Variants in CSNK1G3 observed in about 807,000 individuals in gnomAD.
CSNK1G3 encodes casein kinase 1 gamma 3, also known as casein kinase I isoform gamma-3.
CSNK1G3 carries 23 observed loss-of-function variants against 64.3 expected under a neutral mutation model. The ratio of observed to expected loss-of-function variants is 0.36; its 90% CI spans 0.26 to 0.51. The LOEUF (loss-of-function observed/expected upper bound fraction) is 0.51, where lower values mean the gene tolerates loss of function less well. Ranked by LOEUF, CSNK1G3 falls within the 20% of genes least tolerant of loss-of-function variation. CSNK1G3 has a pLI of 0.96. For synonymous variants in CSNK1G3, 158 were observed against 162.2 expected (o/e 0.97, Z 0.20); for missense variants, 357 against 510.5 (o/e 0.70, Z 2.90).
intron 2 of CSNK1G3, among the ~76,000 whole-genome samples, chr5:123,546,445 C>T (rs1024128749): frequency 2.6e-5 from 4 of 151,986 alleles, no homozygotes; most frequent in African/African-American, 9.7e-5. Context: ...ATATTCAAGG[C>T]AATTGGAACT....
chr5:123,558,513 T>C (rs1301667274), intron 4 of CSNK1G3, among the ~76,000 whole-genome samples: 1 of 152,226 alleles, frequency 6.6e-6, no homozygotes, highest in Non-Finnish European at 1.5e-5. Flanking sequence ...TCTTCATGTA[T>C]CTTTTTGTAA....
chr5:123,550,318 GT>G (rs1231510356), intron 2 of CSNK1G3, among the ~76,000 whole-genome samples: 1 of 152,122 alleles, frequency 6.6e-6, no homozygotes, highest in Non-Finnish European at 1.5e-5. Context: ...TGCTTTAGCT[GT>G]TTCCATCTCC....
intron 1 of CSNK1G3, among the ~76,000 whole-genome samples, chr5:123,536,141 A>C (rs1005993044): frequency 6.6e-6 from 1 of 152,160 alleles, no homozygotes; most frequent in Non-Finnish European, 1.5e-5. Flanking sequence ...ATTTCTGTAC[A>C]TAAGTATTTA....
chr5:123,514,312 A>G (rs934638855), intron 1 of CSNK1G3, among the ~76,000 whole-genome samples: 2 of 152,188 alleles, frequency 1.3e-5, no homozygotes, highest in Non-Finnish European at 2.9e-5. Flanking sequence ...TTATGTAATT[A>G]TTGACATTTT....
chr5:123,566,413 A>G (rs1786883804), intron 4 of CSNK1G3, among the ~76,000 whole-genome samples: 1 of 152,224 alleles, frequency 6.6e-6, no homozygotes, highest in African/African-American at 2.4e-5. Flanking sequence ...AGTATCAAAT[A>G]AAAATAATTT....
intron 2 of CSNK1G3, among the ~76,000 whole-genome samples, chr5:123,547,920 A>G (rs1239710262): frequency 6.6e-6 from 1 of 152,170 alleles, no homozygotes; most frequent in Non-Finnish European, 1.5e-5. Context: ...ACCTGGATAA[A>G]CACTAATGTT....
At chr5:123,529,920 T>C (rs12189119) in intron 1 of CSNK1G3, among the ~76,000 whole-genome samples, 25,743 of 151,938 alleles carry the variant, frequency 0.17, 2,261 homozygotes, top group Middle Eastern at 0.28. Flanking sequence ...GCAGATTGCA[T>C]GAGCTCAGAA....
intron 3 of CSNK1G3, among the ~76,000 whole-genome samples, chr5:123,557,010 CTG>C (rs1002663792): frequency 3.8e-4 from 58 of 152,058 alleles, no homozygotes; most frequent in African/African-American, 1.3e-3. Context: ...CGCTTATGAA[CTG>C]TGTGTTTTAT....
chr5:123,594,279 T>C (rs974335253), intron 10 of CSNK1G3, among the ~76,000 whole-genome samples: 7 of 152,198 alleles, frequency 4.6e-5, no homozygotes, highest in African/African-American at 9.6e-5. Flanking sequence ...TTAATTTTAC[T>C]GGTAGATTAT....
intron 1 of CSNK1G3, among the ~76,000 whole-genome samples, chr5:123,534,069 C>CATCTACA (rs1350779678): frequency 2.2e-4 from 34 of 152,014 alleles, no homozygotes; most frequent in African/African-American, 8.0e-4. Context: ...CTCATTTATT[C>CATCTACA]ATCTACAGTA....
At chr5:123,515,875 T>C (rs1355033084) in intron 1 of CSNK1G3, among the ~76,000 whole-genome samples, 2 of 152,178 alleles carry the variant, frequency 1.3e-5, no homozygotes, top group East Asian at 3.8e-4. Context: ...TAAATGATAC[T>C]ATTACGACAA....
chr5:123,541,851 A>G (rs1781726159), intron 1 of CSNK1G3, among the ~76,000 whole-genome samples: 1 of 151,018 alleles, frequency 6.6e-6, no homozygotes, highest in East Asian at 1.9e-4. Flanking sequence ...TATGTTTTAA[A>G]GTCCACTGTC....
intron 4 of CSNK1G3, among the ~76,000 whole-genome samples, chr5:123,558,641 T>G (rs1438102693): frequency 2.6e-5 from 4 of 152,178 alleles, no homozygotes; most frequent in African/African-American, 9.6e-5. Flanking sequence ...CAATAAGTTT[T>G]AAATGTTGTA....
At chr5:123,607,104 G>C (rs1212851206) in intron 12 of CSNK1G3, among the ~76,000 whole-genome samples, 1 of 152,064 alleles carries the variant, frequency 6.6e-6, no homozygotes, top group African/African-American at 2.4e-5. Context: ...TGTGAAAGAA[G>C]AAAGTGGTGG....
At chr5:123,529,241 A>G (rs1023860715) in intron 1 of CSNK1G3, among the ~76,000 whole-genome samples, 1 of 152,220 alleles carries the variant, frequency 6.6e-6, no homozygotes, top group Non-Finnish European at 1.5e-5. Context: ...TACAAAAAAC[A>G]AAGTTACGTA....
chr5:123,612,086 T>C (rs1796435278), intron 12 of CSNK1G3, among the ~76,000 whole-genome samples: 1 of 152,224 alleles, frequency 6.6e-6, no homozygotes, highest in African/African-American at 2.4e-5. Context: ...GGGTAATCCA[T>C]TTCAGTTCTT....
chr5:123,520,133 A>T (rs1445631890), intron 1 of CSNK1G3, among the ~76,000 whole-genome samples: 1 of 152,206 alleles, frequency 6.6e-6, no homozygotes, highest in African/African-American at 2.4e-5. Flanking sequence ...TCTTAAACCT[A>T]GCCTGCTTAA....
chr5:123,601,503 C>T (rs1471239155), intron 10 of CSNK1G3, among the ~76,000 whole-genome samples: 3 of 152,156 alleles, frequency 2.0e-5, no homozygotes, highest in African/African-American at 7.2e-5. Context: ...TTGCTTCCTT[C>T]TGGTCTGGTT....
chr5:123,575,624 G>A, intron 5 of CSNK1G3, 105 bp from the exon 6 acceptor site: 1 of 678,836 alleles, frequency 1.5e-6, no homozygotes, highest in Non-Finnish European at 2.5e-6. Context: ...AACAATTTCT[G>A]ATTTATTTCT....
Sources: gnomAD v4.1 joint callset for allele counts (sites outside exome capture counted in the v4.1 genomes callset) on GRCh38, gnomAD v4.1.1 for gene constraint, MANE v1.5 for transcripts, NCBI Gene and HGNC (gene_info 2026-07-23, HGNC 2026-07-21) for gene names.